Variants in LINGO1 observed in about 807,000 individuals in gnomAD.
The protein encoded by LINGO1 is leucine rich repeat and Ig domain containing 1.
Under a neutral mutation model 37.3 loss-of-function variants are expected in LINGO1, and 11 were observed. That is an observed-to-expected ratio of 0.29 (90% CI 0.19 to 0.49). The LOEUF (loss-of-function observed/expected upper bound fraction) is 0.49. Ranked by LOEUF, LINGO1 falls within the 20% of genes least tolerant of loss-of-function variation. LINGO1 has a pLI of 0.99. For missense variants in LINGO1, 585 were observed against 878.2 expected (o/e 0.67, Z 4.22); for synonymous variants, 387 against 403.0 (o/e 0.96, Z 0.48).
intron 1 of LINGO1, among the ~76,000 whole-genome samples, chr15:77,626,513 G>A (rs1236263068): frequency 6.6e-6 from 1 of 152,216 alleles, no homozygotes; most frequent in Non-Finnish European, 1.5e-5. Context: ...AGGAGGTGAT[G>A]GAGCCTCCAG....
chr15:77,638,431 A>G (rs1426852623), upstream of LINGO1, among the ~76,000 whole-genome samples: 1 of 152,212 alleles, frequency 6.6e-6, no homozygotes, highest in Admixed American at 6.5e-5. Context: ...AGAAAATGTA[A>G]GATCACTCCC....
intron 1 of LINGO1, among the ~76,000 whole-genome samples, chr15:77,625,129 G>A (rs1421881805): frequency 2.6e-5 from 4 of 152,122 alleles, no homozygotes; most frequent in East Asian, 1.9e-4. Flanking sequence ...GCCAACCCCC[G>A]CCTGGGAGAG....
chr15:77,753,533 G>A (rs893772558), intron 1 of LINGO1, among the ~76,000 whole-genome samples: 1 of 152,222 alleles, frequency 6.6e-6, no homozygotes, highest in African/African-American at 2.4e-5. Context: ...ACAGAGGACT[G>A]GGGGTAGGGG....
chr15:77,804,252 G>A (rs2076941254), intron 1 of LINGO1, among the ~76,000 whole-genome samples: 1 of 152,206 alleles, frequency 6.6e-6, no homozygotes, highest in Admixed American at 6.5e-5. Flanking sequence ...CAAAGATCCA[G>A]AAGCACCAGG....
chr15:77,697,759 G>T (rs776600845), upstream of LINGO1, among the ~76,000 whole-genome samples: 1 of 152,184 alleles, frequency 6.6e-6, no homozygotes, highest in African/African-American at 2.4e-5. Flanking sequence ...TCTGATCCAG[G>T]GCTGCGGTTT....
intron 1 of LINGO1, among the ~76,000 whole-genome samples, chr15:77,625,619 T>C (rs997359012): frequency 6.6e-6 from 1 of 152,154 alleles, no homozygotes; most frequent in Admixed American, 6.5e-5. Context: ...AGGCTAGTAT[T>C]ATCCCCATTT....
intron 1 of LINGO1, among the ~76,000 whole-genome samples, chr15:77,746,917 T>C (rs1393736376): frequency 6.6e-6 from 1 of 151,850 alleles, no homozygotes; most frequent in African/African-American, 2.4e-5. Flanking sequence ...AAAGGGGCCA[T>C]AGATTAGCTG....
upstream of LINGO1, among the ~76,000 whole-genome samples, chr15:77,699,654 T>TACTGTCATCTCTGTGC (rs2075749761): frequency 2.8e-4 from 1 of 3,578 alleles, no homozygotes; most frequent in Non-Finnish European, 8.2e-4. Flanking sequence ...ATCATCTGCA[T>TACTGTCATCTCTGTGC]ACAGTAAGCA....
intron 2 of LINGO1, among the ~76,000 whole-genome samples, chr15:77,677,799 C>T (rs2075352714): frequency 6.6e-6 from 1 of 152,158 alleles, no homozygotes; most frequent in Non-Finnish European, 1.5e-5. Context: ...GCCACAGGTG[C>T]TGTCTCCCTT....
upstream of LINGO1, among the ~76,000 whole-genome samples, chr15:77,638,706 G>A (rs2074442934): frequency 6.6e-6 from 1 of 152,180 alleles, no homozygotes; most frequent in African/African-American, 2.4e-5. Flanking sequence ...AGGCAGTCTT[G>A]GGTTCCAGTT....
At chr15:77,639,345 T>C (rs2074454115), upstream of LINGO1, among the ~76,000 whole-genome samples, 1 of 151,970 alleles carries the variant, frequency 6.6e-6, no homozygotes, top group South Asian at 2.1e-4. Flanking sequence ...GTAAAATGGG[T>C]ATAGTAACTC....
intron 3 of LINGO1, among the ~76,000 whole-genome samples, chr15:77,658,530 C>G (rs1240688462): frequency 6.6e-6 from 1 of 152,222 alleles, no homozygotes; most frequent in Non-Finnish European, 1.5e-5. Flanking sequence ...CAGGGGAAGG[C>G]AGCCGATCCG....
chr15:77,700,849 C>T (rs949414139), upstream of LINGO1, among the ~76,000 whole-genome samples: 13 of 152,140 alleles, frequency 8.5e-5, no homozygotes, highest in East Asian at 3.9e-4. Flanking sequence ...GTGCTATGTG[C>T]GGCCTGCTAC....
At chr15:77,676,181 G>A (rs1359034815) in intron 3 of LINGO1, among the ~76,000 whole-genome samples, 2 of 152,210 alleles carry the variant, frequency 1.3e-5, no homozygotes, top group African/African-American at 4.8e-5. Context: ...CTTGATTGTG[G>A]CCTGGGCAGG....
chr15:77,644,915 G>A (rs767352461), intron 3 of LINGO1, among the ~76,000 whole-genome samples: 9 of 152,158 alleles, frequency 5.9e-5, no homozygotes, highest in Non-Finnish European at 8.8e-5. Context: ...CCAGCAGCCC[G>A]AGAGGCGGAG....
At chr15:77,646,553 G>A in intron 3 of LINGO1, 1 of 401,722 alleles carries the variant, frequency 2.5e-6, no homozygotes, top group South Asian at 1.9e-5. Flanking sequence ...GCAGGAACCT[G>A]GGGTTTCCCC....
At chr15:77,623,109 C>A (rs1181971664) in intron 1 of LINGO1, among the ~76,000 whole-genome samples, 1 of 152,226 alleles carries the variant, frequency 6.6e-6, no homozygotes, top group Non-Finnish European at 1.5e-5. Flanking sequence ...ACAAATGCTG[C>A]GAGGGGCAGG....
At chr15:77,749,480 C>T (rs1318376652) in intron 1 of LINGO1, among the ~76,000 whole-genome samples, 2 of 152,366 alleles carry the variant, frequency 1.3e-5, no homozygotes, top group Admixed American at 6.5e-5. Context: ...GGTAAGAAAA[C>T]AAAAGAGACT....
intron 1 of LINGO1, among the ~76,000 whole-genome samples, chr15:77,755,590 G>A (rs1047883292): frequency 6.6e-6 from 1 of 152,156 alleles, no homozygotes; most frequent in Non-Finnish European, 1.5e-5. Context: ...GCACTGTAGG[G>A]GCTTAGGAAA....
Sources: gnomAD v4.1 joint callset for allele counts (sites outside exome capture counted in the v4.1 genomes callset) on GRCh38, gnomAD v4.1.1 for gene constraint, MANE v1.5 for transcripts, NCBI Gene and HGNC (gene_info 2026-07-23, HGNC 2026-07-21) for gene names.